TUBB8B: variants seen among roughly 807,000 people sequenced by gnomAD.
The protein encoded by TUBB8B is tubulin beta 8B.
Under a neutral mutation model 31.9 loss-of-function variants are expected in TUBB8B, and 26 were observed. The observed-to-expected ratio is 0.81, with a 90% CI of 0.60 to 1.13. The LOEUF (loss-of-function observed/expected upper bound fraction) is 1.13. TUBB8B is among the 50% of genes most tolerant of loss of function. The pLI, the probability that TUBB8B is intolerant of heterozygous loss-of-function variation, is 0.00. For synonymous variants in TUBB8B, 173 were observed against 231.0 expected (o/e 0.75, Z 2.28); for missense variants, 467 against 586.7 (o/e 0.80, Z 2.11).
At chr18:70,611 A>G in the TUBB8B span, among the ~76,000 whole-genome samples, 11,363 of 109,796 alleles carry the variant, frequency 0.1, no homozygotes, top group African/African-American at 0.22. Flanking sequence ...CCCTAGCCTG[A>G]GCAACAGAGT....
chr18:60,857 T>C, the TUBB8B span, among the ~76,000 whole-genome samples: 2 of 151,850 alleles, frequency 1.3e-5, no homozygotes, highest in African/African-American at 2.4e-5. Flanking sequence ...TTAATGTTTT[T>C]AGACTTGTTA....
upstream of TUBB8B, among the ~76,000 whole-genome samples, chr18:50,730 G>T (rs1600579534): frequency 3.9e-5 from 6 of 151,982 alleles, 1 homozygote; most frequent in Admixed American, 3.9e-4. Flanking sequence ...CTTCTTCAGG[G>T]TATTCCGGCC....
At chr18:62,908 C>T in the TUBB8B span, among the ~76,000 whole-genome samples, 2 of 151,660 alleles carry the variant, frequency 1.3e-5, no homozygotes, top group Non-Finnish European at 2.9e-5. Flanking sequence ...TCTCCTTGAT[C>T]AATTTTTTTA....
the TUBB8B span, among the ~76,000 whole-genome samples, chr18:58,847 T>C: frequency 6.6e-6 from 1 of 151,822 alleles, no homozygotes; most frequent in African/African-American, 2.4e-5. Context: ...TGGCTCATGA[T>C]TCTACAGGCT....
At chr18:61,632 A>G in the TUBB8B span, among the ~76,000 whole-genome samples, 2 of 132,884 alleles carry the variant, frequency 1.5e-5, no homozygotes, top group Non-Finnish European at 3.2e-5. Context: ...TTGATTTAAA[A>G]TTACCATGAG....
At chr18:72,770 C>G in the TUBB8B span, among the ~76,000 whole-genome samples, 1 of 152,072 alleles carries the variant, frequency 6.6e-6, no homozygotes, top group Admixed American at 6.6e-5. Flanking sequence ...GAGTTCGAGA[C>G]CAGCCTGACC....
At chr18:62,912 T>C in the TUBB8B span, among the ~76,000 whole-genome samples, 4 of 151,812 alleles carry the variant, frequency 2.6e-5, no homozygotes, top group Non-Finnish European at 5.9e-5. Flanking sequence ...CTTGATCAAT[T>C]TTTTTAAGTA....
At chr18:68,036 A>C in the TUBB8B span, among the ~76,000 whole-genome samples, 1 of 152,212 alleles carries the variant, frequency 6.6e-6, no homozygotes, top group Non-Finnish European at 1.5e-5. Context: ...CGCAATACTG[A>C]TACAGCATCC....
chr18:48,897 C>T, intron 3 of TUBB8B, 43 bp downstream of exon 3: 1 of 1,368,258 alleles, frequency 7.3e-7, no homozygotes, highest in Non-Finnish European at 1.0e-6. Context: ...TTTTGAGCTG[C>T]CCTGGCTAAG....
chr18:65,431 C>T, the TUBB8B span, among the ~76,000 whole-genome samples: 1 of 152,110 alleles, frequency 6.6e-6, no homozygotes, highest in Non-Finnish European at 1.5e-5. Flanking sequence ...ATACTAAAGC[C>T]ATCACTGCAA....
the TUBB8B span, among the ~76,000 whole-genome samples, chr18:56,289 A>T: frequency 6.6e-6 from 1 of 151,852 alleles, no homozygotes; most frequent in Non-Finnish European, 1.5e-5. Flanking sequence ...TTATATACTC[A>T]GAATAGCTTT....
the TUBB8B span, among the ~76,000 whole-genome samples, chr18:62,449 CGCTCTGTA>C: frequency 6.9e-6 from 1 of 144,168 alleles, no homozygotes; most frequent in Non-Finnish European, 1.5e-5. Flanking sequence ...GACAGAGTCT[CGCTCTGTA>C]GCCCAGGCTG....
rs536969627 is a variant in TUBB8B, at chr18:49,098, G to A, written c.166+31C>T. 2.4e-5 allele frequency: 30 copies of A among 1,232,256 alleles called. No individual in the cohort carries two copies. The African/African-American group carries it at 4.6e-4, about 19-fold the overall frequency. The allele number at this position is 1,232,256 out of a possible 1,614,324, so 76.3% of individuals were successfully genotyped here. A position where few individuals can be genotyped will look rare whatever the true frequency, so the allele number is the denominator to read the frequency against. ...AGCGAGGGGAGGGCCGCGTTCCCAG[G>A]AGGGCGGTGGGAGAAGGACGGGGGT... On this transcript the variant is annotated intron_variant, in intron 2 of 3. Coordinates refer to ENST00000308911, the MANE Select transcript of TUBB8B (RefSeq NM_001358689.2).
chr18:49,971 A>T (rs1600578611), upstream of TUBB8B: 1 of 452,418 alleles, frequency 2.2e-6, no homozygotes, highest in Admixed American at 2.4e-5. Flanking sequence ...GATTCATTTC[A>T]TCTATTAGGA....
chr18:54,050 G>A (rs1031353455), upstream of TUBB8B, among the ~76,000 whole-genome samples: 1 of 151,278 alleles, frequency 6.6e-6, no homozygotes, highest in Non-Finnish European at 1.5e-5. Context: ...CTGACTGACT[G>A]AGAGCTATGG....
At chr18:72,372 T>C in the TUBB8B span, among the ~76,000 whole-genome samples, 1 of 152,182 alleles carries the variant, frequency 6.6e-6, no homozygotes, top group Non-Finnish European at 1.5e-5. Flanking sequence ...ATATAGTTAA[T>C]ACATTTCAAC....
chr18:52,930 G>C (rs188434147), upstream of TUBB8B, among the ~76,000 whole-genome samples: 1 of 151,956 alleles, frequency 6.6e-6, no homozygotes, highest in African/African-American at 2.4e-5. Context: ...ACTCATTGAA[G>C]TCGGGGCTAT....
chr18:49,989 G>C (rs3016689), upstream of TUBB8B: 69 of 438,272 alleles, frequency 1.6e-4, 2 homozygotes, highest in Non-Finnish European at 2.6e-4. Flanking sequence ...GGAGATCTGT[G>C]GTTAGGAAAG....
At chr18:58,627 C>A in the TUBB8B span, among the ~76,000 whole-genome samples, 54 of 151,820 alleles carry the variant, frequency 3.6e-4, 2 homozygotes, top group East Asian at 7.9e-3. Context: ...AAGAAAATCT[C>A]AACTTTCCCT....
Sources: gnomAD v4.1 joint callset for allele counts (sites outside exome capture counted in the v4.1 genomes callset) on GRCh38, gnomAD v4.1.1 for gene constraint, MANE v1.5 for transcripts, NCBI Gene and HGNC (gene_info 2026-07-23, HGNC 2026-07-21) for gene names.